The following AVEN variants were observed in gnomAD, a reference collection of about 807,000 sequenced individuals.
AVEN encodes the protein apoptosis and caspase activation inhibitor.
In AVEN, 41 loss-of-function variants were observed where a neutral mutation model predicts 38.1. That is an observed-to-expected ratio of 1.08 (90% CI 0.84 to 1.40). The LOEUF is 1.40. AVEN is among the 40% of genes most tolerant of loss of function. AVEN has a pLI of 0.00. For synonymous variants in AVEN, 206 were observed against 171.8 expected (o/e 1.20, Z -1.56); for missense variants, 605 against 438.8 (o/e 1.38, Z -3.38).
intron 2 of AVEN, among the ~76,000 whole-genome samples, chr15:33,948,404 T>C (rs1390044598): frequency 6.6e-6 from 1 of 152,032 alleles, no homozygotes; most frequent in Non-Finnish European, 1.5e-5. Flanking sequence ...CTATTTTTTA[T>C]ATTTTAAAAG....
chr15:34,074,901 A>G (rs1310321355), exon 1 of AVEN, among the ~76,000 whole-genome samples: 1 of 152,162 alleles, frequency 6.6e-6, no homozygotes, highest in Non-Finnish European at 1.5e-5. Flanking sequence ...AGGATTGACC[A>G]GGTGCGGTGG....
At position 33,986,176 on chromosome 15, in the gene AVEN, G is replaced by A. The variant is rs191480562; in HGVS notation, c.445+16856C>T. 6.9e-3 allele frequency among the ~76,000 whole-genome samples: 1,041 copies of A among 151,456 alleles called. 8 individuals carry two copies. Among genetic ancestry groups the A allele is most frequent in the Middle Eastern group, 0.041 (12 of 294 alleles). On this transcript the variant is annotated intron_variant, in intron 2 of 5. Coordinates refer to ENST00000306730, the MANE Select transcript of AVEN (RefSeq NM_020371.3). ...GGCTGGAGTGCAGTGGCGCCATCTC[G>A]GCTCACTGCAAGCTCTGCCTCCCGG... is the stretch of plus-strand genomic sequence containing the variant.
chr15:33,865,456 A>G, downstream of AVEN: 2 of 482,256 alleles, frequency 4.1e-6, no homozygotes, highest in Non-Finnish European at 7.4e-6. Flanking sequence ...AAGGCGAAGA[A>G]TCAAGTAATC....
At chr15:34,042,438 T>A (rs931579864), upstream of AVEN, among the ~76,000 whole-genome samples, 1 of 150,538 alleles carries the variant, frequency 6.6e-6, no homozygotes, top group Non-Finnish European at 1.5e-5. Context: ...TTCGCACTTG[T>A]TGCCCAGGCT....
chr15:33,873,089 C>CT (rs1210904609), intron 3 of AVEN, among the ~76,000 whole-genome samples: 1 of 138,116 alleles, frequency 7.2e-6, no homozygotes, highest in African/African-American at 2.8e-5. Flanking sequence ...TCTACTTTTC[C>CT]TTTTCTTTTT....
upstream of AVEN, among the ~76,000 whole-genome samples, chr15:34,040,485 C>T (rs955504330): frequency 2.0e-5 from 3 of 152,162 alleles, no homozygotes; most frequent in African/African-American, 7.2e-5. Flanking sequence ...AATAGTAACA[C>T]TTGTAGAGCA....
intron 5 of AVEN, among the ~76,000 whole-genome samples, chr15:34,053,334 A>G (rs1479501351): frequency 1.4e-5 from 2 of 140,606 alleles, no homozygotes; most frequent in Admixed American, 1.5e-4. Context: ...ATATATATAT[A>G]TATATATATG....
chr15:34,037,090 C>T (rs935604839), intron 1 of AVEN, among the ~76,000 whole-genome samples: 2 of 145,214 alleles, frequency 1.4e-5, no homozygotes, highest in Non-Finnish European at 3.0e-5. Flanking sequence ...GCCTGGGCAA[C>T]AAGAGTAAAA....
chr15:33,919,490 G>A (rs1261390736), intron 2 of AVEN, among the ~76,000 whole-genome samples: 1 of 152,058 alleles, frequency 6.6e-6, no homozygotes, highest in Non-Finnish European at 1.5e-5. Context: ...CTACCCAAAA[G>A]CAATGAAATC....
At chr15:33,863,369 G>C (rs938559300), downstream of AVEN, among the ~76,000 whole-genome samples, 1 of 152,124 alleles carries the variant, frequency 6.6e-6, no homozygotes, top group East Asian at 1.9e-4. Flanking sequence ...AGGACCTGAC[G>C]CTCTATACAC....
At chr15:34,006,583 G>A (rs1458024802) in intron 1 of AVEN, among the ~76,000 whole-genome samples, 1 of 152,214 alleles carries the variant, frequency 6.6e-6, no homozygotes, top group Non-Finnish European at 1.5e-5. Context: ...GATTAATGCA[G>A]TGAAACAAGC....
rs922953380 is a variant in AVEN, at chr15:33,866,532, G to A, written c.*81C>T. On this transcript the variant is annotated 3_prime_UTR_variant, in exon 6 of 6. Coordinates refer to ENST00000306730, the MANE Select transcript of AVEN (RefSeq NM_020371.3). Reference sequence around the variant, plus strand: ...TAGCTTGAGACATGCTTGTAAACTGGCTGGTCCTGAAGGACAGCCTTATGC... The same window carrying A: ...TAGCTTGAGACATGCTTGTAAACTGACTGGTCCTGAAGGACAGCCTTATGC... 30 of 986,928 alleles carry A rather than the reference G, an allele frequency of 3.0e-5. No individual in the cohort carries two copies. The highest frequency in any genetic ancestry group is 4.1e-5 in the Non-Finnish European group (26 of 632,606). 61.1% of individuals were successfully genotyped at this position (986,928 alleles called of 1,614,324 possible).
intron 2 of AVEN, among the ~76,000 whole-genome samples, chr15:33,916,690 ATG>A: frequency 6.6e-6 from 1 of 152,088 alleles, no homozygotes; most frequent in East Asian, 1.9e-4. Context: ...ATAATAATAA[ATG>A]TTGGCATGGA....
At chr15:33,878,201 A>AT (rs1221800832) in intron 2 of AVEN, among the ~76,000 whole-genome samples, 1 of 152,212 alleles carries the variant, frequency 6.6e-6, no homozygotes, top group African/African-American at 2.4e-5. Flanking sequence ...ACTCAAATTC[A>AT]TTTTTTAAAA....
At chr15:33,885,235 T>C (rs1243386017) in intron 2 of AVEN, among the ~76,000 whole-genome samples, 2 of 152,066 alleles carry the variant, frequency 1.3e-5, no homozygotes, top group African/African-American at 2.4e-5. Flanking sequence ...CTACCAAAAA[T>C]AAAATGTCCT....
intron 11 of AVEN, chr15:33,859,464 CT>C: frequency 8.3e-7 from 1 of 1,206,326 alleles, no homozygotes; most frequent in Non-Finnish European, 1.2e-6. Context: ...GAGTTCCCCT[CT>C]CGTGGCTTAG....
chr15:34,074,695 A>ATCT (rs1466967858), exon 1 of AVEN, among the ~76,000 whole-genome samples: 1 of 152,102 alleles, frequency 6.6e-6, no homozygotes, highest in African/African-American at 2.4e-5. Flanking sequence ...TAATGACTTC[A>ATCT]TCTTACCTTT....
chr15:33,857,684 C>T, downstream of AVEN: 1 of 1,500,224 alleles, frequency 6.7e-7, no homozygotes. Context: ...CTTGCCCGTC[C>T]TCACTCTTCC....
intron 2 of AVEN, among the ~76,000 whole-genome samples, chr15:33,888,418 A>G (rs756585167): frequency 6.6e-6 from 1 of 152,194 alleles, no homozygotes; most frequent in Non-Finnish European, 1.5e-5. Context: ...AGAGCTGCCC[A>G]GGCAAAAAGC....
Sources: allele counts gnomAD v4.1 joint callset (sites outside exome capture counted in the v4.1 genomes callset), GRCh38; gene constraint gnomAD v4.1.1; transcripts MANE v1.5; gene names NCBI Gene and HGNC (gene_info 2026-07-23, HGNC 2026-07-21).